The following BMPER variants were observed in gnomAD, a reference collection of about 807,000 sequenced individuals.
BMPER encodes the protein BMP-binding endothelial regulator protein.
Under a neutral mutation model 87.3 loss-of-function variants are expected in BMPER, and 45 were observed. That is an observed-to-expected ratio of 0.52 (90% CI 0.41 to 0.66). BMPER has a LOEUF of 0.66. BMPER is among the 30% of genes least tolerant of loss of function. The pLI, the probability that BMPER is intolerant of heterozygous loss-of-function variation, is 0.00. For missense variants in BMPER, 784 were observed against 867.5 expected (o/e 0.90, Z 1.21); for synonymous variants, 326 against 316.2 (o/e 1.03, Z -0.33).
At chr7:34,096,466 C>G (rs190863393) in intron 13 of BMPER, among the ~76,000 whole-genome samples, 7 of 152,128 alleles carry the variant, frequency 4.6e-5, no homozygotes, top group African/African-American at 1.7e-4. Context: ...ATCAACTTGG[C>G]AAAAATTAAA....
At chr7:33,909,792 G>A (rs1783914117) in intron 2 of BMPER, among the ~76,000 whole-genome samples, 1 of 151,948 alleles carries the variant, frequency 6.6e-6, no homozygotes, top group Admixed American at 6.5e-5. Flanking sequence ...TATAATTACA[G>A]AGTAAAAGCT....
At chr7:34,147,888 G>T (rs1486825638) in intron 14 of BMPER, among the ~76,000 whole-genome samples, 3 of 152,206 alleles carry the variant, frequency 2.0e-5, no homozygotes, top group Admixed American at 2.0e-4. Context: ...AAAAACAACT[G>T]AATTCACAGA....
At chr7:34,109,867 T>C (rs1205088929) in intron 13 of BMPER, among the ~76,000 whole-genome samples, 5 of 152,260 alleles carry the variant, frequency 3.3e-5, no homozygotes, top group African/African-American at 1.2e-4. Flanking sequence ...GGGTTAGTTC[T>C]ATTCCACTTG....
chr7:34,089,704 G>A (rs376456762), intron 13 of BMPER, among the ~76,000 whole-genome samples: 4 of 151,996 alleles, frequency 2.6e-5, no homozygotes, highest in African/African-American at 9.7e-5. Context: ...GGCTGATCTC[G>A]AATTCCTGAC....
chr7:34,051,222 C>A (rs1788140089), intron 7 of BMPER, among the ~76,000 whole-genome samples: 1 of 152,138 alleles, frequency 6.6e-6, no homozygotes, highest in African/African-American at 2.4e-5. Context: ...AAAGCCCCAC[C>A]TCCTAATACC....
chr7:34,116,228 A>G (rs975001608), intron 13 of BMPER, among the ~76,000 whole-genome samples: 2 of 152,248 alleles, frequency 1.3e-5, no homozygotes, highest in East Asian at 3.8e-4. Flanking sequence ...TGATCCCATT[A>G]CCTAGTAATA....
chr7:34,019,010 G>C (rs1299422123), intron 6 of BMPER, among the ~76,000 whole-genome samples: 1 of 151,866 alleles, frequency 6.6e-6, no homozygotes, highest in Admixed American at 6.6e-5. Context: ...ATGGGAAAAG[G>C]CAACTGCAAG....
In BMPER at chr7:34,061,918, T is replaced by G. The variant is rs941417185; in HGVS notation, c.1033-84T>G. 26 of 1,171,002 alleles carry G rather than the reference T, an allele frequency of 2.2e-5. No individual in the cohort carries two copies. In the South Asian group the frequency reaches 3.5e-4, roughly 16 times the overall value. The allele number at this position is 1,171,002 out of a possible 1,614,324, so 72.5% of individuals were successfully genotyped here. ...TTTCATTGGTTTATCTTGTATTAGA[T>G]TTTAAAAAGATATTTGTCCTCAGGA... On this transcript the variant is annotated intron_variant, in intron 10 of 14. Transcript: ENST00000649409.
intron 11 of BMPER, among the ~76,000 whole-genome samples, chr7:34,065,203 A>ACTCTCTCTCTCTCTCTCTCTCTCTCT (rs70997564): frequency 3.4e-4 from 33 of 97,336 alleles, no homozygotes; most frequent in East Asian, 5.6e-4. Flanking sequence ...ATACACACTC[A>ACTCTCTCTCTCTCTCTCTCTCTCTCT]CTCTCTCTCT....
intron 6 of BMPER, among the ~76,000 whole-genome samples, chr7:33,986,752 A>G (rs527835033): frequency 5.9e-5 from 9 of 152,330 alleles, no homozygotes; most frequent in African/African-American, 2.2e-4. Flanking sequence ...TTCATTAATG[A>G]AAATAAAAGA....
intron 3 of BMPER, among the ~76,000 whole-genome samples, chr7:33,943,294 C>T (rs1660578816): frequency 1.3e-5 from 2 of 152,008 alleles, no homozygotes; most frequent in Admixed American, 6.6e-5. Context: ...TGGTCTTTTG[C>T]AGTTTGCTTT....
intron 6 of BMPER, among the ~76,000 whole-genome samples, chr7:34,039,235 G>A (rs1042335655): frequency 6.6e-6 from 1 of 152,164 alleles, no homozygotes; most frequent in Non-Finnish European, 1.5e-5. Flanking sequence ...CTTACTTACT[G>A]GAAGCTCATG....
At chr7:33,941,357 A>G (rs1315313936) in intron 3 of BMPER, among the ~76,000 whole-genome samples, 8 of 151,290 alleles carry the variant, frequency 5.3e-5, no homozygotes, top group African/African-American at 1.9e-4. Flanking sequence ...GGCATCAGGG[A>G]CCAGTTTCAT....
chr7:33,966,416 A>G, intron 3 of BMPER, 63 bp from the exon 4 acceptor site: 2 of 1,419,732 alleles, frequency 1.4e-6, no homozygotes, highest in Non-Finnish European at 2.0e-6. Flanking sequence ...TTTTGCTCCA[A>G]AAGGTAAAGG....
At position 34,051,905 on chromosome 7, in the gene BMPER, C is replaced by A; in HGVS notation, c.721C>A (p.Arg241=). 1 of 1,614,018 alleles carries A rather than the reference C, an allele frequency of 6.2e-7. No individual in the cohort carries two copies. The highest frequency in any genetic ancestry group is 8.5e-7 in the Non-Finnish European group (1 of 1,179,892). The stretch of plus-strand genomic sequence containing the variant: ...CCTCCCTTTTGGGAGCTGCCTCTTT[C>A]GAAGTGATGTTTATGACAATGGATC... ...FDLPFGSCLF[R]SDVYDNGSSF... Residue 241 remains arginine, a synonymous_variant, in exon 8 of 15, where the codon CGA becomes AGA. Coordinates refer to ENST00000649409, the MANE Select transcript of BMPER (RefSeq NM_001365308.1).
At chr7:33,999,535 T>G (rs1276599081) in intron 6 of BMPER, among the ~76,000 whole-genome samples, 1 of 152,242 alleles carries the variant, frequency 6.6e-6, no homozygotes, top group Non-Finnish European at 1.5e-5. Flanking sequence ...GAAGATATAG[T>G]TTGACCACAA....
At chr7:34,130,208 C>G (rs1396966309) in intron 13 of BMPER, among the ~76,000 whole-genome samples, 1 of 151,966 alleles carries the variant, frequency 6.6e-6, no homozygotes, top group Non-Finnish European at 1.5e-5. Flanking sequence ...CTCTCTCTCT[C>G]TCTGTCTTCT....
intron 2 of BMPER, among the ~76,000 whole-genome samples, chr7:33,908,308 T>C (rs993045250): frequency 1.3e-4 from 20 of 152,342 alleles, no homozygotes; most frequent in Middle Eastern, 3.4e-3. Context: ...GACCAAGTAA[T>C]ATTTAAATGT....
Position 33,907,572 on chromosome 7 carries a change from G to A in BMPER, c.219+669G>A, listed in dbSNP as rs187539804. ...AAATAATTTGTTTCCATTTATTTTA[G>A]TTTAGTAGTTAATGATAAGTCTAAT... On this transcript the variant is annotated intron_variant, in intron 2 of 14. Coordinates refer to ENST00000649409, the MANE Select transcript of BMPER (RefSeq NM_001365308.1). Among the ~76,000 whole-genome samples, 63 of 152,284 alleles carry A rather than the reference G, an allele frequency of 4.1e-4. 2 individuals are homozygous for A. The highest frequency in any genetic ancestry group is 1.3e-3 in the African/African-American group (54 of 41,554).
Sources: allele counts gnomAD v4.1 joint callset (sites outside exome capture counted in the v4.1 genomes callset), GRCh38; gene constraint gnomAD v4.1.1; transcripts MANE v1.5; gene names NCBI Gene and HGNC (gene_info 2026-07-23, HGNC 2026-07-21).